The following TMEM181 variants were observed in gnomAD, a reference collection of about 807,000 sequenced individuals.
TMEM181 encodes the protein transmembrane protein 181.
In TMEM181, 39 loss-of-function variants were observed where a neutral mutation model predicts 71.9. The observed-to-expected ratio is 0.54, with a 90% CI of 0.42 to 0.71. The LOEUF is 0.71. TMEM181 is among the 30% of genes least tolerant of loss of function. The pLI, the probability that TMEM181 is intolerant of heterozygous loss-of-function variation, is 0.00. For synonymous variants in TMEM181, 245 were observed against 228.8 expected (o/e 1.07, Z -0.64); for missense variants, 595 against 583.0 (o/e 1.02, Z -0.21).
At chr6:158,624,693 G>A (rs555835235) in intron 11 of TMEM181, among the ~76,000 whole-genome samples, 4 of 152,360 alleles carry the variant, frequency 2.6e-5, no homozygotes, top group Admixed American at 1.3e-4. Flanking sequence ...AAGACGGCGC[G>A]TGGATTCCCA....
intron 1 of TMEM181, among the ~76,000 whole-genome samples, chr6:158,561,976 C>T (rs886126778): frequency 1.3e-5 from 2 of 152,102 alleles, no homozygotes; most frequent in Admixed American, 6.5e-5. Context: ...TGTTCTCTGT[C>T]CTTGTCTGGT....
chr6:158,581,128 C>T (rs1783446308), intron 3 of TMEM181, 133 bp downstream of exon 3: 4 of 814,166 alleles, frequency 4.9e-6, no homozygotes, highest in Admixed American at 2.6e-5. Flanking sequence ...CACATTTCTT[C>T]TTCCATTGTC....
At chr6:158,609,918 G>A (rs374249341) in intron 10 of TMEM181, 3 of 232,382 alleles carry the variant, frequency 1.3e-5, no homozygotes, top group Non-Finnish European at 1.9e-5. Context: ...AGCACTTCCC[G>A]GGCTTCTCAG....
chr6:158,589,812 A>C, intron 6 of TMEM181, 30 bp downstream of exon 6: 1 of 1,450,816 alleles, frequency 6.9e-7, no homozygotes, highest in South Asian at 1.2e-5. Flanking sequence ...GCACGTTTCC[A>C]TGGCTCATGT....
At chr6:158,564,664 C>T (rs1357629001) in intron 1 of TMEM181, among the ~76,000 whole-genome samples, 1 of 152,198 alleles carries the variant, frequency 6.6e-6, no homozygotes, top group Non-Finnish European at 1.5e-5. Context: ...CACCTGCCAG[C>T]AACTCTGTGA....
At chr6:158,542,335 C>T (rs576399331) in intron 1 of TMEM181, among the ~76,000 whole-genome samples, 104 of 152,276 alleles carry the variant, frequency 6.8e-4, no homozygotes, top group African/African-American at 2.3e-3. Flanking sequence ...GTTGTTACTC[C>T]GTTATTGAGT....
intron 4 of TMEM181, 130 bp from the exon 5 acceptor site, chr6:158,585,174 C>A: frequency 1.1e-6 from 1 of 937,286 alleles, no homozygotes; most frequent in Non-Finnish European, 1.5e-6. Flanking sequence ...TTCAAATGTG[C>A]TGAGGCCAAT....
intron 6 of TMEM181, among the ~76,000 whole-genome samples, chr6:158,591,872 T>C (rs1784130105): frequency 6.6e-6 from 1 of 152,340 alleles, no homozygotes; most frequent in South Asian, 2.1e-4. Context: ...ATGTTTCCTC[T>C]TAAAGTTGTT....
chr6:158,633,901 T>C lies in TMEM181; in HGVS notation c.*2013T>C, dbSNP rs926086550. On this transcript the variant is annotated 3_prime_UTR_variant, in exon 17 of 17. Coordinates refer to ENST00000684151, the MANE Select transcript of TMEM181 (RefSeq NM_001376852.1). Reference sequence around the variant, plus strand: ...TTTATGTAAACTGATGAAGATGTGCTGATTAACATATTCTGTGATATGGTT... The same window carrying C: ...TTTATGTAAACTGATGAAGATGTGCCGATTAACATATTCTGTGATATGGTT... 1 of 152,244 alleles carries C rather than the reference T, an allele frequency of 6.6e-6. No individual in the cohort carries two copies. The highest frequency in any genetic ancestry group is 2.1e-4 in the South Asian group (1 of 4,836). 9.4% of individuals were successfully genotyped at this position (152,244 alleles called of 1,614,324 possible). A position where few individuals can be genotyped will look rare whatever the true frequency, so the allele number is the denominator to read the frequency against.
chr6:158,586,027 G>T (rs1008134164), intron 5 of TMEM181, among the ~76,000 whole-genome samples: 1 of 152,202 alleles, frequency 6.6e-6, no homozygotes, highest in East Asian at 1.9e-4. Flanking sequence ...GCTTTGGGTT[G>T]TTCCCAGCCG....
At chr6:158,629,958 G>A in intron 15 of TMEM181, 139 bp downstream of exon 15, 1 of 742,610 alleles carries the variant, frequency 1.3e-6, no homozygotes, top group African/African-American at 1.7e-5. Context: ...GAGAGAGTGA[G>A]TTGAAATGTC....
At chr6:158,599,978 A>G (rs564119013) in intron 6 of TMEM181, among the ~76,000 whole-genome samples, 1 of 152,296 alleles carries the variant, frequency 6.6e-6, no homozygotes, top group African/African-American at 2.4e-5. Context: ...ATGGGGACGC[A>G]TGATAGGAGG....
chr6:158,609,737 C>T (rs529754508), intron 10 of TMEM181: 6 of 262,426 alleles, frequency 2.3e-5, no homozygotes, highest in Middle Eastern at 4.6e-4. Context: ...GGTGTTCTCA[C>T]GCAAAGTGGC....
At position 158,614,095 on chromosome 6, in the gene TMEM181, A is replaced by G. The variant is rs140760169; in HGVS notation, c.896+5345A>G. On this transcript the variant is annotated intron_variant, in intron 10 of 16. Coordinates refer to ENST00000684151, the MANE Select transcript of TMEM181 (RefSeq NM_001376852.1). The stretch of plus-strand genomic sequence containing the variant: ...AATATTATTCCCTCAAATAAAACCT[A>G]TTGGACATTATCTTGACAATTTCAT... 1.8e-3 allele frequency among the ~76,000 whole-genome samples: 268 copies of G among 152,354 alleles called. 1 individual carries two copies. Among genetic ancestry groups the G allele is most frequent in the Middle Eastern group, 6.8e-3 (2 of 294 alleles).
Position 158,633,142 on chromosome 6 carries a change from CAT to C in TMEM181, c.*1257_*1258del, listed in dbSNP as rs1446015341. 1.3e-5 allele frequency: 2 copies of C among 152,198 alleles called. No homozygotes were observed. Among genetic ancestry groups the C allele is most frequent in the African/African-American group, 4.8e-5 (2 of 41,456 alleles). The allele number at this position is 152,198 out of a possible 1,614,324, so 9.4% of individuals were successfully genotyped here. A position where few individuals can be genotyped will look rare whatever the true frequency, so the allele number is the denominator to read the frequency against. The stretch of plus-strand genomic sequence containing the variant: ...TTATTGGCCAAAAGTTTTTAAAACT[CAT>C]ATTTGGAAGCAAAATGAAAAGCAAG... On this transcript the variant is annotated 3_prime_UTR_variant, in exon 17 of 17. Coordinates refer to ENST00000684151, the MANE Select transcript of TMEM181 (RefSeq NM_001376852.1).
chr6:158,619,711 T>C (rs1785842929), intron 10 of TMEM181, among the ~76,000 whole-genome samples: 1 of 151,720 alleles, frequency 6.6e-6, no homozygotes, highest in South Asian at 2.1e-4. Context: ...TGTACTAAAA[T>C]ACAAAAAATT....
At chr6:158,579,049 A>G (rs1783321585) in intron 2 of TMEM181, among the ~76,000 whole-genome samples, 1 of 151,244 alleles carries the variant, frequency 6.6e-6, no homozygotes, top group South Asian at 2.1e-4. Context: ...ACCTGAGGTT[A>G]GAAGTTCGAT....
Position 158,608,726 on chromosome 6 carries a change from C to T in TMEM181, c.872C>T (p.Ser291Phe). 6.2e-7 allele frequency: 1 copy of T among 1,613,452 alleles called. No individual in the cohort carries two copies. Residue 291 changes from serine to phenylalanine, a missense_variant, in exon 10 of 17, where the codon TCT becomes TTT. By Grantham distance (155) the Ser-to-Phe change is radical. Transcript: ENST00000684151. ...ATTGTTGGACTATTGTGGTTGGCTT[C>T]TGTTACGCTAGGAATATGGCAAACG... ...FFIVGLLWLA[S>F]VTLGIWQTVN...
At chr6:158,541,263 A>G (rs1280506968) in intron 1 of TMEM181, among the ~76,000 whole-genome samples, 4 of 152,100 alleles carry the variant, frequency 2.6e-5, no homozygotes, top group East Asian at 1.9e-4. Context: ...TAAAAAAAAC[A>G]AAAATTAGCA....
Sources: gnomAD v4.1 joint callset for allele counts (sites outside exome capture counted in the v4.1 genomes callset) on GRCh38, gnomAD v4.1.1 for gene constraint, MANE v1.5 for transcripts, NCBI Gene and HGNC (gene_info 2026-07-23, HGNC 2026-07-21) for gene names.